Variants in PARD3 observed in about 807,000 individuals in gnomAD.
PARD3 encodes the protein partitioning defective 3 homolog.
PARD3 carries 75 observed loss-of-function variants against 155.4 expected under a neutral mutation model. That is an observed-to-expected ratio of 0.48 (90% CI 0.40 to 0.58). PARD3 has a LOEUF of 0.58. Among genes scored for constraint, PARD3 ranks in the 20% least tolerant of loss-of-function variants. The pLI is 0.00. For missense variants in PARD3, 1,642 were observed against 1,721.7 expected (o/e 0.95, Z 0.82); for synonymous variants, 576 against 610.5 (o/e 0.94, Z 0.83).
chr10:34,619,236 A>G (rs907071619), intron 2 of PARD3, among the ~76,000 whole-genome samples: 5 of 151,982 alleles, frequency 3.3e-5, no homozygotes, highest in African/African-American at 1.2e-4. Context: ...TTTTTGGTAG[A>G]GACGGGGTTT....
chr10:34,790,333 T>C (rs1243861063), intron 1 of PARD3, among the ~76,000 whole-genome samples: 2 of 152,212 alleles, frequency 1.3e-5, no homozygotes, highest in Admixed American at 6.5e-5. Flanking sequence ...TGAACAGTAA[T>C]GACGCTGATG....
At chr10:34,263,350 C>T (rs1278106504) in intron 22 of PARD3, among the ~76,000 whole-genome samples, 1 of 152,096 alleles carries the variant, frequency 6.6e-6, no homozygotes, top group Non-Finnish European at 1.5e-5. Context: ...AGACTTTACA[C>T]AGCTGATGGC....
chr10:34,596,204 T>C (rs1277132092), intron 2 of PARD3, among the ~76,000 whole-genome samples: 2 of 151,948 alleles, frequency 1.3e-5, no homozygotes, highest in African/African-American at 4.8e-5. Flanking sequence ...CACTCAAGTT[T>C]GTAAGCAATA....
intron 15 of PARD3, chr10:34,344,205 G>A (rs1410224136): frequency 4.1e-6 from 4 of 984,628 alleles, no homozygotes; most frequent in East Asian, 1.1e-4. Context: ...TGTCTTTTAC[G>A]AAATGGATGT....
At chr10:34,550,049 C>T (rs189900417) in intron 2 of PARD3, among the ~76,000 whole-genome samples, 17 of 152,246 alleles carry the variant, frequency 1.1e-4, no homozygotes, top group Middle Eastern at 3.4e-3. Context: ...TGGCCGACTA[C>T]GTTAAAAGAA....
At chr10:34,409,604 A>G (rs1844843423) in intron 5 of PARD3, among the ~76,000 whole-genome samples, 1 of 152,226 alleles carries the variant, frequency 6.6e-6, no homozygotes, top group Non-Finnish European at 1.5e-5. Context: ...GAACACTGGC[A>G]CCGCTTGTTT....
chr10:34,700,784 C>T (rs1319960368), intron 1 of PARD3, among the ~76,000 whole-genome samples: 5 of 151,970 alleles, frequency 3.3e-5, no homozygotes, highest in East Asian at 1.9e-4. Flanking sequence ...CCAGCCTGGC[C>T]GACATGATGA....
chr10:34,537,698 T>C (rs1358830167), intron 2 of PARD3, among the ~76,000 whole-genome samples: 1 of 152,144 alleles, frequency 6.6e-6, no homozygotes, highest in African/African-American at 2.4e-5. Context: ...TGACAGCAAA[T>C]ACAAAGAAAA....
intron 1 of PARD3, among the ~76,000 whole-genome samples, chr10:34,734,775 C>G (rs1231308022): frequency 1.3e-5 from 2 of 151,882 alleles, no homozygotes; most frequent in African/African-American, 2.4e-5. Flanking sequence ...TAATTTTAAA[C>G]TATTAGATAT....
chr10:34,401,444 A>C (rs1431186804), intron 6 of PARD3, among the ~76,000 whole-genome samples: 1 of 152,222 alleles, frequency 6.6e-6, no homozygotes, highest in African/African-American at 2.4e-5. Flanking sequence ...GTATGTCTGC[A>C]AATTTTTTTA....
rs779610300 is a variant in PARD3, at chr10:34,450,366, A to G, written c.665T>C (p.Leu222Pro). Residue 222 changes from leucine to proline, a missense_variant, in exon 5 of 25, where the codon CTG becomes CCG. Around this residue, in one of 3 missense-constraint regions of PARD3, gnomAD observed 1,529 missense variants for 1,587.3 expected, o/e 0.96. Coordinates refer to ENST00000374788, the MANE Select transcript of PARD3 (RefSeq NM_001184785.2). The part of the protein sequence containing the change: ...QFQRDNARSS[L>P]SASHPMVGKW... ...GCCCACCATTGGGTGACTGGCACTC[A>G]GAGACGAGCGAGCATTGTCTCTCTG... is the stretch of plus-strand genomic sequence containing the variant. The G allele has an allele frequency of 6.2e-7, 1 of 1,614,058 alleles. No individual in the cohort carries two copies. The highest frequency in any genetic ancestry group is 8.5e-7 in the Non-Finnish European group (1 of 1,179,924).
chr10:34,399,358 C>T lies in PARD3; in HGVS notation c.862G>A (p.Val288Ile). The change falls in exon 7 of 25, where the codon GTA becomes ATA. Residue 288 changes from valine (V) to isoleucine (I), a missense_variant. By Grantham distance (29) the Val-to-Ile change is conservative (BLOSUM62 3). This residue lies in a region of PARD3 where 1,529 missense variants were observed against 1,587.3 expected (regional missense o/e 0.96). Coordinates refer to ENST00000374788, the MANE Select transcript of PARD3 (RefSeq NM_001184785.2). ...PNDGGPLGIH[V>I]VPFSARGGRT... ...CCGCCTCGAGCACTGAAAGGCACTA[C>T]GTGGATTCCCAGAGGCCCTCCATCG... 6.2e-7 allele frequency: 1 copy of T among 1,611,416 alleles called. No homozygotes were observed. The highest frequency in any genetic ancestry group is 8.5e-7 in the Non-Finnish European group (1 of 1,177,560).
At chr10:34,747,911 T>C (rs945759187) in intron 1 of PARD3, among the ~76,000 whole-genome samples, 22 of 152,192 alleles carry the variant, frequency 1.4e-4, no homozygotes, top group Admixed American at 1.2e-3. Context: ...AAAAATCTTG[T>C]ACTCACTGGT....
chr10:34,557,074 C>T (rs978713673), intron 2 of PARD3, among the ~76,000 whole-genome samples: 2 of 152,140 alleles, frequency 1.3e-5, no homozygotes, highest in African/African-American at 4.8e-5. Flanking sequence ...CAGGGGTCCA[C>T]CCTGCAGAGA....
At chr10:34,579,073 C>A (rs1033683653) in intron 2 of PARD3, among the ~76,000 whole-genome samples, 1 of 152,074 alleles carries the variant, frequency 6.6e-6, no homozygotes, top group Non-Finnish European at 1.5e-5. Context: ...AGTTCAAGAC[C>A]AGCCTGTCCA....
At position 34,662,334 on chromosome 10, in the gene PARD3, A is replaced by AT. The variant is rs2093345142; in HGVS notation, c.222+33983_222+33984insA. Among the ~76,000 whole-genome samples, 10 of 152,350 alleles carry AT rather than the reference A, an allele frequency of 6.6e-5. No homozygotes were observed. The South Asian group carries it at 2.1e-3, about 32-fold the overall frequency. ...ATGTAAATTAGTACAACCACAATAG[A>AT]AAACCATTTGGAGGTTCCTTAAAAA... On this transcript the variant is annotated intron_variant, in intron 2 of 24. Coordinates refer to ENST00000374788, the MANE Select transcript of PARD3 (RefSeq NM_001184785.2).
intron 3 of PARD3, among the ~76,000 whole-genome samples, chr10:34,495,859 T>G (rs1235688007): frequency 6.7e-6 from 1 of 149,360 alleles, no homozygotes; most frequent in Non-Finnish European, 1.5e-5. Flanking sequence ...ACAGTAAACA[T>G]GAACCGTGAG....
chr10:34,555,855 T>G (rs1361108830), intron 2 of PARD3, among the ~76,000 whole-genome samples: 1 of 152,134 alleles, frequency 6.6e-6, no homozygotes, highest in South Asian at 2.1e-4. Flanking sequence ...CACAGCCACC[T>G]TCATTGTCAT....
chr10:34,806,508 T>A (rs74502849), intron 1 of PARD3, among the ~76,000 whole-genome samples: 1,867 of 151,836 alleles, frequency 0.012, 51 homozygotes, highest in African/African-American at 0.044. Flanking sequence ...CTAATTTTTT[T>A]AAAAAGAGAC....
Sources: gnomAD v4.1 joint callset for allele counts (sites outside exome capture counted in the v4.1 genomes callset) on GRCh38, gnomAD v4.1.1 for gene constraint, gnomAD v4.1.1 regional missense constraint, MANE v1.5 for transcripts, NCBI Gene and HGNC (gene_info 2026-07-23, HGNC 2026-07-21) for gene names.